Variants in DOCK3 observed in about 807,000 individuals in gnomAD.
DOCK3 encodes the protein dedicator of cytokinesis protein 3.
DOCK3 carries 60 observed loss-of-function variants against 265.6 expected under a neutral mutation model. The ratio of observed to expected loss-of-function variants is 0.23; its 90% confidence interval spans 0.18 to 0.28. The LOEUF is 0.28. DOCK3 is among the 10% of genes least tolerant of loss of function. The pLI is 1.00. For missense variants in DOCK3, 1,981 were observed against 2,594.3 expected, an observed-to-expected ratio of 0.76 and a Z score of 5.14; for synonymous variants, 881 against 938.0, an observed-to-expected ratio of 0.94 and a Z score of 1.11.
At chr3:50,698,773 T>C (rs1035604521) in intron 1 of DOCK3, among the ~76,000 whole-genome samples, 9 of 151,986 alleles carry the variant, frequency 5.9e-5, no homozygotes, top group Non-Finnish European at 1.0e-4. Flanking sequence ...CTGATGATGT[T>C]GAGTCTCTTT....
intron 2 of DOCK3, chr3:50,787,729 A>G (rs2042257402): frequency 8.1e-7 from 1 of 1,239,350 alleles, no homozygotes. Context: ...TCTTTCTGTA[A>G]CGCTGACTTT....
rs1202852660 is a variant in DOCK3 at position 50,730,948 on chromosome 3, G to A, written c.38-47727G>A. On this transcript the variant is annotated intron_variant, in intron 1 of 52. Transcript: ENST00000266037. ...GATCGAGACCATCCTGGCTAACGTGGTGAAACCCCGTCTCTGCTAAAAATA... is the reference window on the plus strand; with the variant it reads ...GATCGAGACCATCCTGGCTAACGTGATGAAACCCCGTCTCTGCTAAAAATA... Among the ~76,000 whole-genome samples the A allele has an allele frequency of 2.0e-5, 3 of 151,932 alleles. No individual in the cohort carries two copies. In the East Asian group the frequency reaches 5.8e-4, roughly 29 times the overall value.
chr3:51,343,366 G>A (rs1351901903), intron 38 of DOCK3, among the ~76,000 whole-genome samples: 2 of 152,196 alleles, frequency 1.3e-5, no homozygotes, highest in Non-Finnish European at 2.9e-5. Context: ...TAGGGCTAAA[G>A]ATGCCCTGCC....
chr3:50,848,113 T>C (rs1467548067), intron 3 of DOCK3, among the ~76,000 whole-genome samples: 1 of 152,100 alleles, frequency 6.6e-6, no homozygotes, highest in Non-Finnish European at 1.5e-5. Flanking sequence ...ATAAGAATAG[T>C]AACCCCTGAT....
At chr3:51,069,923 CAGA>C (rs1255878135) in intron 6 of DOCK3, among the ~76,000 whole-genome samples, 2 of 152,194 alleles carry the variant, frequency 1.3e-5, no homozygotes, top group Non-Finnish European at 2.9e-5. Context: ...CTGAAATTAG[CAGA>C]AGTTTTCAAT....
At chr3:50,832,653 C>A (rs1156770839) in intron 2 of DOCK3, among the ~76,000 whole-genome samples, 1 of 152,152 alleles carries the variant, frequency 6.6e-6, no homozygotes, top group Non-Finnish European at 1.5e-5. Flanking sequence ...TTACCTAGCC[C>A]CTATTCAAGA....
At chr3:50,901,694 G>A (rs1327544520) in intron 4 of DOCK3, 1 of 454,146 alleles carries the variant, frequency 2.2e-6, no homozygotes, top group Non-Finnish European at 4.4e-6. Context: ...TCAAGGCACA[G>A]TCCCTCATGG....
At chr3:50,909,102 G>A (rs1019963235) in intron 4 of DOCK3, among the ~76,000 whole-genome samples, 3 of 151,752 alleles carry the variant, frequency 2.0e-5, no homozygotes, top group African/African-American at 4.9e-5. Context: ...TTGAGCCTAT[G>A]TATGTCTTTG....
intron 49 of DOCK3, among the ~76,000 whole-genome samples, chr3:51,369,260 T>A (rs2087496289): frequency 6.6e-6 from 1 of 152,230 alleles, no homozygotes; most frequent in Non-Finnish European, 1.5e-5. Context: ...TAAAGGAGGA[T>A]GTTTGAACCC....
intron 5 of DOCK3, among the ~76,000 whole-genome samples, chr3:51,035,955 C>T (rs1468535342): frequency 6.6e-6 from 1 of 152,220 alleles, no homozygotes; most frequent in Non-Finnish European, 1.5e-5. Flanking sequence ...TCACTAGTGC[C>T]CTGGTTGCCT....
intron 24 of DOCK3, among the ~76,000 whole-genome samples, chr3:51,272,768 G>C (rs188720490): frequency 3.3e-5 from 5 of 152,030 alleles, no homozygotes; most frequent in Admixed American, 3.3e-4. Context: ...CTGGTAAACA[G>C]TTCTCTCTTC....
At chr3:51,220,126 C>T (rs1162634235) in intron 14 of DOCK3, among the ~76,000 whole-genome samples, 4 of 151,984 alleles carry the variant, frequency 2.6e-5, no homozygotes, top group Non-Finnish European at 5.9e-5. Context: ...AAGAACTACT[C>T]CATTGGTTGC....
intron 14 of DOCK3, among the ~76,000 whole-genome samples, chr3:51,218,571 C>T (rs2089921337): frequency 6.6e-6 from 1 of 152,092 alleles, no homozygotes; most frequent in Non-Finnish European, 1.5e-5. Context: ...AAGTCTGTAC[C>T]CTGTAGTCAG....
At chr3:51,285,651 A>G (rs1321442605) in intron 27 of DOCK3, among the ~76,000 whole-genome samples, 1 of 151,956 alleles carries the variant, frequency 6.6e-6, no homozygotes, top group Non-Finnish European at 1.5e-5. Context: ...AAAAGAGGGT[A>G]AGGCCAGGTG....
chr3:50,767,214 A>G (rs2040947442), intron 1 of DOCK3, among the ~76,000 whole-genome samples: 1 of 152,036 alleles, frequency 6.6e-6, no homozygotes, highest in African/African-American at 2.4e-5. Flanking sequence ...CCTGAATGGT[A>G]TTGCCTAGGT....
intron 1 of DOCK3, among the ~76,000 whole-genome samples, chr3:50,701,365 G>A (rs921841666): frequency 1.3e-5 from 2 of 152,080 alleles, no homozygotes; most frequent in African/African-American, 2.4e-5. Flanking sequence ...TGATCTTCCC[G>A]CCTTGGCCTC....
intron 12 of DOCK3, among the ~76,000 whole-genome samples, chr3:51,179,604 G>A (rs1241732428): frequency 2.6e-5 from 4 of 152,128 alleles, no homozygotes; most frequent in Non-Finnish European, 5.9e-5. Flanking sequence ...AATATCTAAT[G>A]TGCGTATACA....
chr3:51,287,936 T>C (rs577584277), intron 27 of DOCK3, among the ~76,000 whole-genome samples: 17 of 152,320 alleles, frequency 1.1e-4, no homozygotes, highest in Admixed American at 8.5e-4. Flanking sequence ...CATATACACG[T>C]TGGAATACTA....
At chr3:51,242,716 C>A (rs184891825) in intron 21 of DOCK3, among the ~76,000 whole-genome samples, 1 of 152,060 alleles carries the variant, frequency 6.6e-6, no homozygotes, top group African/African-American at 2.4e-5. Context: ...CTGACAAGGA[C>A]GGGGCTGGCT....
Sources: allele counts gnomAD v4.1 joint callset (sites outside exome capture counted in the v4.1 genomes callset), GRCh38; gene constraint gnomAD v4.1.1; transcripts MANE v1.5; gene names NCBI Gene and HGNC (gene_info 2026-07-23, HGNC 2026-07-21).